The following FMN2 variants were observed in gnomAD, a reference collection of about 807,000 sequenced individuals.
The protein encoded by FMN2 is formin-2.
A neutral mutation model predicts 142.3 loss-of-function variants in FMN2; 51 were observed. That is an observed-to-expected ratio of 0.36 (90% CI 0.29 to 0.45). The LOEUF (loss-of-function observed/expected upper bound fraction) is 0.45, where lower values mean the gene tolerates loss of function less well. Ranked by LOEUF, FMN2 falls within the 20% of genes least tolerant of loss-of-function variation. The pLI is 1.00. For synonymous variants in FMN2, 882 were observed against 869.8 expected (o/e 1.01, Z -0.25); for missense variants, 1,936 against 2,122.8 (o/e 0.91, Z 1.73).
chr1:240,199,553 G>A (rs566762754), intron 4 of FMN2, among the ~76,000 whole-genome samples: 2 of 152,022 alleles, frequency 1.3e-5, no homozygotes, highest in South Asian at 4.2e-4. Flanking sequence ...ATTTTTTAAT[G>A]GAAACTTGTA....
rs10157874 is a variant in FMN2, at chr1:240,333,965, A to C, written c.4644+19A>C. The stretch of plus-strand genomic sequence containing the variant: ...TGATGAGGTAAGACAATTTTTACAT[A>C]TAGTCATATTCCATTATTCTTTATT... On this transcript the variant is annotated intron_variant, in intron 12 of 17. Transcript: ENST00000319653. 0.53 allele frequency: 849,433 copies of C among 1,592,594 alleles called. 233,614 individuals are homozygous for C. The highest frequency in any genetic ancestry group is 0.88 in the African/African-American group (65,496 of 74,340).
chr1:240,410,762 G>A (rs1674361809), intron 15 of FMN2, among the ~76,000 whole-genome samples: 1 of 152,112 alleles, frequency 6.6e-6, no homozygotes, highest in Admixed American at 6.5e-5. Context: ...TTTTACACAT[G>A]TATATTGCTT....
At position 240,138,159 on chromosome 1, in the gene FMN2, A is replaced by C. The variant is rs187693224; in HGVS notation, c.1782+14814A>C. On this transcript the variant is annotated intron_variant, in intron 2 of 17. Coordinates refer to ENST00000319653, the MANE Select transcript of FMN2 (RefSeq NM_020066.5). ...AGGCTTCTGGAAGAAACGTTTAAGA[A>C]GTGAACCCTATTCTCAGGAGCAGTA... Among the ~76,000 whole-genome samples the C allele has an allele frequency of 2.0e-5, 3 of 151,970 alleles. No homozygotes were observed. In the East Asian group the frequency reaches 5.8e-4, roughly 30 times the overall value.
At chr1:240,282,044 C>G (rs1446718799) in intron 7 of FMN2, among the ~76,000 whole-genome samples, 1 of 152,106 alleles carries the variant, frequency 6.6e-6, no homozygotes, top group Non-Finnish European at 1.5e-5. Flanking sequence ...GGTATATGTG[C>G]TATTTAGACA....
At chr1:240,142,193 T>C (rs555504257) in intron 2 of FMN2, among the ~76,000 whole-genome samples, 1 of 152,260 alleles carries the variant, frequency 6.6e-6, no homozygotes, top group East Asian at 1.9e-4. Context: ...TTTTCTGATA[T>C]TGAGCTTCTC....
intron 4 of FMN2, among the ~76,000 whole-genome samples, chr1:240,198,044 C>T (rs925259549): frequency 3.3e-5 from 5 of 152,012 alleles, no homozygotes; most frequent in South Asian, 2.1e-4. Flanking sequence ...GCAAGGGAGG[C>T]GATTAGGAGG....
intron 7 of FMN2, among the ~76,000 whole-genome samples, chr1:240,273,479 T>C (rs1669089339): frequency 6.6e-6 from 1 of 152,188 alleles, no homozygotes; most frequent in South Asian, 2.1e-4. Context: ...TTACTTATTC[T>C]ATCAGTGGCT....
At chr1:240,128,412 A>G (rs1662597752) in intron 2 of FMN2, among the ~76,000 whole-genome samples, 2 of 152,236 alleles carry the variant, frequency 1.3e-5, no homozygotes, top group Admixed American at 1.3e-4. Flanking sequence ...CCAAGAGTTA[A>G]GCAAGTTTAC....
chr1:240,471,527 A>G (rs1239009353), intron 16 of FMN2: 2 of 152,314 alleles, frequency 1.3e-5, no homozygotes, highest in African/African-American at 4.8e-5. Flanking sequence ...GGCACCCGCC[A>G]CCACACCCAG....
At chr1:240,189,827 C>G (rs1178562485) in intron 4 of FMN2, among the ~76,000 whole-genome samples, 1 of 152,170 alleles carries the variant, frequency 6.6e-6, no homozygotes, top group African/African-American at 2.4e-5. Context: ...ATAGTAAAGT[C>G]AGCAGTTATT....
chr1:240,156,166 A>G (rs1188227166), intron 2 of FMN2, among the ~76,000 whole-genome samples: 1 of 152,142 alleles, frequency 6.6e-6, no homozygotes, highest in Non-Finnish European at 1.5e-5. Flanking sequence ...CGGGAGGATC[A>G]CTTGAGCCAG....
intron 15 of FMN2, among the ~76,000 whole-genome samples, chr1:240,399,628 A>G (rs1673904829): frequency 6.6e-6 from 1 of 152,116 alleles, no homozygotes; most frequent in African/African-American, 2.4e-5. Context: ...TACTCATTCC[A>G]CCACCTCCAG....
At chr1:240,331,652 A>G (rs1671381569) in intron 11 of FMN2, among the ~76,000 whole-genome samples, 1 of 152,128 alleles carries the variant, frequency 6.6e-6, no homozygotes, top group Non-Finnish European at 1.5e-5. Flanking sequence ...CAATTTGTTT[A>G]TTGTTTTATA....
intron 1 of FMN2, among the ~76,000 whole-genome samples, chr1:240,122,542 C>G (rs1015804988): frequency 2.0e-5 from 3 of 152,120 alleles, no homozygotes; most frequent in African/African-American, 7.2e-5. Context: ...CTCAGCCTCC[C>G]AAAGTGCTGG....
intron 6 of FMN2, among the ~76,000 whole-genome samples, chr1:240,225,093 T>G (rs1667251360): frequency 6.6e-6 from 1 of 152,186 alleles, no homozygotes; most frequent in African/African-American, 2.4e-5. Context: ...ATACCTCTGT[T>G]AAAACACTGA....
At chr1:240,316,106 G>C (rs1317128466) in intron 8 of FMN2, among the ~76,000 whole-genome samples, 1 of 152,172 alleles carries the variant, frequency 6.6e-6, no homozygotes, top group Non-Finnish European at 1.5e-5. Flanking sequence ...TTACAAAAAT[G>C]AATCTTATAT....
chr1:240,423,798 C>T (rs1674849662), intron 15 of FMN2, among the ~76,000 whole-genome samples: 1 of 152,182 alleles, frequency 6.6e-6, no homozygotes, highest in South Asian at 2.1e-4. Flanking sequence ...TACCCTTCAA[C>T]ATAAACATCA....
chr1:240,184,528 T>G (rs993776345), intron 3 of FMN2, among the ~76,000 whole-genome samples: 5 of 151,356 alleles, frequency 3.3e-5, no homozygotes, highest in African/African-American at 7.3e-5. Context: ...TTTTTTTTTT[T>G]TTTTTTTTTT....
chr1:240,271,700 T>G (rs1357762572), intron 7 of FMN2, among the ~76,000 whole-genome samples: 2 of 152,122 alleles, frequency 1.3e-5, no homozygotes, highest in Non-Finnish European at 2.9e-5. Flanking sequence ...ATTGTAGCCT[T>G]GTAGTGGAGA....
Sources: gnomAD v4.1 joint callset for allele counts (sites outside exome capture counted in the v4.1 genomes callset) on GRCh38, gnomAD v4.1.1 for gene constraint, MANE v1.5 for transcripts, NCBI Gene and HGNC (gene_info 2026-07-23, HGNC 2026-07-21) for gene names.